Variants in LARGE1 observed in about 807,000 individuals in gnomAD.
LARGE1 encodes xylosyl- and glucuronyltransferase LARGE1.
In LARGE1, 43 loss-of-function variants were observed where a neutral mutation model predicts 87.6. The ratio of observed to expected loss-of-function variants is 0.49; its 90% CI spans 0.38 to 0.63. LARGE1 has a LOEUF of 0.63. Among genes scored for constraint, LARGE1 ranks in the 30% least tolerant of loss-of-function variants. LARGE1 has a pLI of 0.00. For synonymous variants in LARGE1, 434 were observed against 394.6 expected (o/e 1.10, Z -1.18); for missense variants, 802 against 1,000.2 (o/e 0.80, Z 2.67).
chr22:33,807,577 T>C (rs963396053), intron 1 of LARGE1, among the ~76,000 whole-genome samples: 1 of 152,166 alleles, frequency 6.6e-6, no homozygotes, highest in Non-Finnish European at 1.5e-5. Flanking sequence ...TTGATAAATA[T>C]CTTATTGGTT....
At chr22:33,810,668 T>C (rs1275772236) in intron 1 of LARGE1, among the ~76,000 whole-genome samples, 1 of 152,070 alleles carries the variant, frequency 6.6e-6, no homozygotes, top group African/African-American at 2.4e-5. Context: ...GAAGACAGCA[T>C]GCAGCAGTGC....
chr22:33,729,463 C>G (rs1014005119), intron 2 of LARGE1, among the ~76,000 whole-genome samples: 9 of 152,218 alleles, frequency 5.9e-5, no homozygotes, highest in African/African-American at 1.9e-4. Context: ...GATGAGGAAT[C>G]AAATTTACTT....
chr22:33,380,321 T>C (rs1053766889), intron 9 of LARGE1, among the ~76,000 whole-genome samples: 2 of 152,208 alleles, frequency 1.3e-5, no homozygotes, highest in African/African-American at 2.4e-5. Context: ...ATGGAAGGAA[T>C]GAATGTTGCA....
intron 6 of LARGE1, among the ~76,000 whole-genome samples, chr22:33,511,793 C>T (rs755728802): frequency 1.3e-5 from 2 of 152,212 alleles, no homozygotes; most frequent in South Asian, 2.1e-4. Flanking sequence ...TTCCACGAAA[C>T]GAAATGTCAT....
intron 11 of LARGE1, among the ~76,000 whole-genome samples, chr22:33,306,144 G>C (rs998643983): frequency 5.3e-5 from 8 of 152,004 alleles, no homozygotes; most frequent in African/African-American, 1.4e-4. Flanking sequence ...GCGCCTGGCC[G>C]ACCAGAGCCA....
chr22:33,249,419 C>T (rs1373925080), intron 11 of LARGE1, among the ~76,000 whole-genome samples: 1 of 152,048 alleles, frequency 6.6e-6, no homozygotes, highest in Admixed American at 6.6e-5. Flanking sequence ...GTTAAGTGTT[C>T]TTTTTATACT....
intron 9 of LARGE1, among the ~76,000 whole-genome samples, chr22:33,346,178 C>T (rs1939721525): frequency 6.6e-6 from 1 of 152,056 alleles, no homozygotes; most frequent in Admixed American, 6.6e-5. Context: ...CTCCCCCTTG[C>T]TAGAATGTCC....
At chr22:33,759,343 T>C (rs1030359504) in intron 2 of LARGE1, among the ~76,000 whole-genome samples, 3 of 152,210 alleles carry the variant, frequency 2.0e-5, no homozygotes, top group Non-Finnish European at 2.9e-5. Flanking sequence ...CAATCACTCA[T>C]TGAGGCCCCA....
chr22:33,748,217 C>T (rs1463374543), intron 2 of LARGE1, among the ~76,000 whole-genome samples: 3 of 150,874 alleles, frequency 2.0e-5, no homozygotes, highest in African/African-American at 7.3e-5. Flanking sequence ...CTGCAATCTC[C>T]ACCTCCCGGG....
intron 4 of LARGE1, among the ~76,000 whole-genome samples, chr22:33,621,792 C>T (rs1018943484): frequency 6.6e-6 from 1 of 152,126 alleles, no homozygotes; most frequent in Non-Finnish European, 1.5e-5. Context: ...ATGACAGGAA[C>T]TTCTGTGGTA....
At chr22:33,137,505 G>A in the LARGE1 span, among the ~76,000 whole-genome samples, 1 of 152,208 alleles carries the variant, frequency 6.6e-6, no homozygotes, top group East Asian at 1.9e-4. Context: ...CCCATTTTCT[G>A]AGGGGAAATT....
At chr22:33,315,779 A>C (rs1168771730) in intron 11 of LARGE1, among the ~76,000 whole-genome samples, 1 of 151,976 alleles carries the variant, frequency 6.6e-6, no homozygotes, top group Non-Finnish European at 1.5e-5. Flanking sequence ...ACAGGCGCAC[A>C]CCACCATGCC....
chr22:33,235,531 C>T (rs112515633), intron 11 of LARGE1, among the ~76,000 whole-genome samples: 1,564 of 152,280 alleles, frequency 0.01, 27 homozygotes, highest in African/African-American at 0.035. Flanking sequence ...GCTGTAGTCA[C>T]ATGAAAGCTT....
At chr22:33,173,694 G>C (rs1272109833) in intron 11 of LARGE1, among the ~76,000 whole-genome samples, 1 of 151,464 alleles carries the variant, frequency 6.6e-6, no homozygotes, top group Non-Finnish European at 1.5e-5. Flanking sequence ...TGCAATCCTA[G>C]TCTCTGATAA....
chr22:33,764,108 A>C (rs1307982623), intron 1 of LARGE1, among the ~76,000 whole-genome samples: 1 of 151,942 alleles, frequency 6.6e-6, no homozygotes, highest in South Asian at 2.1e-4. Context: ...TCGGCCTCCC[A>C]AAGTGCGGGG....
intron 12 of LARGE1, among the ~76,000 whole-genome samples, chr22:33,288,378 G>A (rs913681383): frequency 1.3e-5 from 2 of 152,172 alleles, no homozygotes; most frequent in African/African-American, 4.8e-5. Context: ...TTTCCAGCCT[G>A]CTGGCCTGCT....
chr22:33,778,669 GAGAA>G (rs1227034906), intron 1 of LARGE1, among the ~76,000 whole-genome samples: 1 of 151,416 alleles, frequency 6.6e-6, no homozygotes, highest in African/African-American at 2.4e-5. Context: ...TTTTTTTTTG[GAGAA>G]AGAGTCTCGC....
chr22:33,553,008 G>GGCCA (rs2148707779), intron 6 of LARGE1, among the ~76,000 whole-genome samples: 1 of 152,104 alleles, frequency 6.6e-6, no homozygotes, highest in South Asian at 2.1e-4. Context: ...TGAGATACAC[G>GGCCA]GCCAGCTCTT....
chr22:33,255,626 C>T (rs1178878168), intron 11 of LARGE1, among the ~76,000 whole-genome samples: 2 of 152,180 alleles, frequency 1.3e-5, no homozygotes, highest in African/African-American at 2.4e-5. Context: ...GGCTTAGCTG[C>T]CCTTAGGTTT....
Sources: gnomAD v4.1 joint callset for allele counts (sites outside exome capture counted in the v4.1 genomes callset) on GRCh38, gnomAD v4.1.1 for gene constraint, MANE v1.5 for transcripts, NCBI Gene and HGNC (gene_info 2026-07-23, HGNC 2026-07-21) for gene names.